FGF14: variants seen among roughly 807,000 people sequenced by gnomAD.
The protein encoded by FGF14 is fibroblast growth factor 14.
Under a neutral mutation model 25.5 loss-of-function variants are expected in FGF14, and 5 were observed. The observed-to-expected ratio is 0.20, with a 90% CI of 0.10 to 0.41. The LOEUF is 0.41. Among genes scored for constraint, FGF14 ranks in the 10% least tolerant of loss-of-function variants. The pLI, the probability that FGF14 is intolerant of heterozygous loss-of-function variation, is 1.00. For missense variants in FGF14, 222 were observed against 320.1 expected, an observed-to-expected ratio of 0.69 and a Z score of 2.34; for synonymous variants, 138 against 118.3, an observed-to-expected ratio of 1.17 and a Z score of -1.08.
chr13:102,375,114 A>G (rs555065361), intron 1 of FGF14, among the ~76,000 whole-genome samples: 1 of 152,266 alleles, frequency 6.6e-6, no homozygotes, highest in South Asian at 2.1e-4. Flanking sequence ...CATCTGGCCA[A>G]TCATTTCAGC....
intron 1 of FGF14, among the ~76,000 whole-genome samples, chr13:102,056,406 C>T (rs2042431522): frequency 6.6e-6 from 1 of 152,186 alleles, no homozygotes; most frequent in Non-Finnish European, 1.5e-5. Context: ...CGTGCCACTA[C>T]CAACAGCAGA....
chr13:102,228,856 T>C (rs1325920412), intron 1 of FGF14, among the ~76,000 whole-genome samples: 1 of 152,202 alleles, frequency 6.6e-6, no homozygotes, highest in Non-Finnish European at 1.5e-5. Context: ...AATATTAAAA[T>C]ATAAAACCTC....
Position 102,243,767 on chromosome 13 carries a change from A to C in FGF14, c.208+157704T>G, listed in dbSNP as rs2051722843. Among the ~76,000 whole-genome samples the C allele has an allele frequency of 2.0e-5, 3 of 151,960 alleles. No individual in the cohort carries two copies. In the South Asian group the frequency reaches 6.2e-4, roughly 32 times the overall value. ...AAGTGTTTAGCCTGGTAACTGGCAAATAGGTGGTCAGCAAGAGTGAAGCTA... is the reference window on the plus strand; with the variant it reads ...AAGTGTTTAGCCTGGTAACTGGCAACTAGGTGGTCAGCAAGAGTGAAGCTA... On this transcript the variant is annotated intron_variant, in intron 1 of 4. Transcript: ENST00000376131.
intron 1 of FGF14, among the ~76,000 whole-genome samples, chr13:102,082,680 C>T (rs563605520): frequency 4.6e-5 from 7 of 152,136 alleles, no homozygotes; most frequent in African/African-American, 1.4e-4. Context: ...TGGGGCCGGG[C>T]GCGGTGGCTC....
intron 1 of FGF14, among the ~76,000 whole-genome samples, chr13:101,899,867 A>C (rs1419518143): frequency 6.6e-6 from 1 of 152,100 alleles, no homozygotes; most frequent in Non-Finnish European, 1.5e-5. Context: ...AAAGAAAGTA[A>C]ATTAAAAAAT....
chr13:101,940,561 T>A (rs1050908679), intron 1 of FGF14, among the ~76,000 whole-genome samples: 1 of 152,204 alleles, frequency 6.6e-6, no homozygotes, highest in African/African-American at 2.4e-5. Context: ...ACCCTGTCCT[T>A]TCATTCAGGT....
At position 101,775,856 on chromosome 13, in the gene FGF14, C is replaced by G. The variant is rs115100530; in HGVS notation, c.409-49046G>C. 6.4e-3 allele frequency among the ~76,000 whole-genome samples: 970 copies of G among 152,208 alleles called. 9 individuals carry two copies. Among genetic ancestry groups the G allele is most frequent in the African/African-American group, 0.021 (877 of 41,530 alleles). ...ACCTTGTAAAATAATTCATTGCTAT[C>G]AATTACGCACATGAGCTAGAATGTT... On this transcript the variant is annotated intron_variant, in intron 3 of 4. Coordinates refer to ENST00000376143, the MANE Select transcript of FGF14 (RefSeq NM_004115.4).
chr13:102,257,368 T>TTTTTTTTTC (rs1324599457), intron 1 of FGF14, among the ~76,000 whole-genome samples: 2 of 144,640 alleles, frequency 1.4e-5, no homozygotes, highest in Non-Finnish European at 3.0e-5. Context: ...TTTTTTTTTT[T>TTTTTTTTTC]CGAGACGGAG....
At chr13:101,968,440 G>A (rs919105402) in intron 1 of FGF14, among the ~76,000 whole-genome samples, 20 of 152,012 alleles carry the variant, frequency 1.3e-4, no homozygotes, top group African/African-American at 4.3e-4. Context: ...TTGGGAGACC[G>A]AGGCAGGCGG....
At chr13:101,907,297 A>C (rs2032363641) in intron 1 of FGF14, among the ~76,000 whole-genome samples, 1 of 152,144 alleles carries the variant, frequency 6.6e-6, no homozygotes, top group African/African-American at 2.4e-5. Context: ...GCTGAACATC[A>C]AATCACATGG....
intron 1 of FGF14, among the ~76,000 whole-genome samples, chr13:102,125,238 G>C (rs768597157): frequency 6.6e-6 from 1 of 151,998 alleles, no homozygotes; most frequent in Admixed American, 6.6e-5. Flanking sequence ...CAATTTGTTA[G>C]TCAATTATAT....
chr13:101,984,405 C>G (rs1187921965), intron 1 of FGF14, among the ~76,000 whole-genome samples: 1 of 152,002 alleles, frequency 6.6e-6, no homozygotes, highest in African/African-American at 2.4e-5. Context: ...TTTTTAAACT[C>G]TCTTTAAAAA....
intron 1 of FGF14, among the ~76,000 whole-genome samples, chr13:101,999,117 G>A (rs2039341595): frequency 6.6e-6 from 1 of 152,128 alleles, no homozygotes; most frequent in Middle Eastern, 3.2e-3. Context: ...AGCAATCAAT[G>A]AGAAAACCTC....
chr13:102,389,437 T>C lies in FGF14; in HGVS notation c.208+12034A>G, dbSNP rs944694541. 2.0e-5 allele frequency among the ~76,000 whole-genome samples: 3 copies of C among 152,074 alleles called. No homozygotes were observed. In the East Asian group the frequency reaches 5.8e-4, roughly 29 times the overall value. ...GTAAGCATGGCAGTGCCAAGAGAAA[T>C]AGAAAAGGAAGAAAGAGTTACCTTG... On this transcript the variant is annotated intron_variant, in intron 1 of 4. Transcript: ENST00000376131.
At chr13:102,256,738 A>C (rs966546820) in intron 1 of FGF14, among the ~76,000 whole-genome samples, 3 of 152,198 alleles carry the variant, frequency 2.0e-5, no homozygotes, top group African/African-American at 7.2e-5. Flanking sequence ...ACATAAGGGA[A>C]GCTTAACAAA....
chr13:101,860,870 G>C (rs2044381574), intron 3 of FGF14, among the ~76,000 whole-genome samples: 1 of 152,032 alleles, frequency 6.6e-6, no homozygotes, highest in South Asian at 2.1e-4. Flanking sequence ...TGATGTTTGT[G>C]AACCACTATG....
intron 1 of FGF14, among the ~76,000 whole-genome samples, chr13:101,897,203 G>A (rs982256988): frequency 3.3e-5 from 5 of 152,192 alleles, no homozygotes; most frequent in African/African-American, 1.2e-4. Context: ...TGCCTAGAGT[G>A]TGACAACTCA....
intron 1 of FGF14, among the ~76,000 whole-genome samples, chr13:102,205,141 G>C (rs1663496413): frequency 6.6e-6 from 1 of 152,214 alleles, no homozygotes; most frequent in Non-Finnish European, 1.5e-5. Flanking sequence ...CAGAAACTGA[G>C]AGAAGAAGGG....
rs192850752 is a variant in FGF14 at position 102,200,169 on chromosome 13, A to G, written c.208+201302T>C. ...CACATATATGCACACACACAAATATATGTATATATTTATATGCATATACTT... is the reference window on the plus strand; with the variant it reads ...CACATATATGCACACACACAAATATGTGTATATATTTATATGCATATACTT... On this transcript the variant is annotated intron_variant, in intron 1 of 4. Coordinates refer to the FGF14 transcript ENST00000376131. 8.7e-4 allele frequency among the ~76,000 whole-genome samples: 133 copies of G among 152,316 alleles called. 3 individuals are homozygous for G. In the East Asian group the frequency reaches 0.021, roughly 24 times the overall value.
Sources: gnomAD v4.1 joint callset for allele counts (sites outside exome capture counted in the v4.1 genomes callset) on GRCh38, gnomAD v4.1.1 for gene constraint, MANE v1.5 for transcripts, NCBI Gene and HGNC (gene_info 2026-07-23, HGNC 2026-07-21) for gene names.